MMS22L: variants seen among roughly 807,000 people sequenced by gnomAD.
The protein encoded by MMS22L is protein MMS22-like.
MMS22L carries 74 observed loss-of-function variants against 159.1 expected under a neutral mutation model. That is an observed-to-expected ratio of 0.47 (90% confidence interval 0.39 to 0.56). The LOEUF (loss-of-function observed/expected upper bound fraction) is 0.56, where lower values mean the gene tolerates loss of function less well. Ranked by LOEUF, MMS22L falls within the 20% of genes least tolerant of loss-of-function variation. MMS22L has a pLI of 0.00. For missense variants in MMS22L, 1,351 were observed against 1,422.1 expected (o/e 0.95, Z 0.80); for synonymous variants, 517 against 506.9 (o/e 1.02, Z -0.27).
chr6:97,216,494 T>C (rs1230809467), intron 14 of MMS22L, among the ~76,000 whole-genome samples: 1 of 152,216 alleles, frequency 6.6e-6, no homozygotes, highest in East Asian at 1.9e-4. Flanking sequence ...TTTATCATAC[T>C]GAGTTTTTTT....
rs561305669 is a variant in MMS22L, at chr6:97,162,822, C to T, written c.3222-657G>A. Among the ~76,000 whole-genome samples, 7 of 151,878 alleles carry T rather than the reference C, an allele frequency of 4.6e-5. No individual in the cohort carries two copies. The South Asian group carries it at 6.2e-4, about 14-fold the overall frequency. On this transcript the variant is annotated intron_variant, in intron 21 of 24. Coordinates refer to ENST00000683635, the MANE Select transcript of MMS22L (RefSeq NM_001350599.2). ...ATATTCTCACCTCTTAGAACAGGTC[C>T]GGGCCCATAACAAGTGTTCAGTATA...
intron 8 of MMS22L, chr6:97,267,007 ATG>A (rs989525930): frequency 1.3e-5 from 2 of 152,186 alleles, no homozygotes; most frequent in African/African-American, 4.8e-5. Context: ...AAAAATAAGA[ATG>A]TGAGATAATA....
chr6:97,259,820 G>C (rs1814259549), intron 9 of MMS22L: 1 of 151,880 alleles, frequency 6.6e-6, no homozygotes, highest in African/African-American at 2.4e-5. Context: ...TTATATATAA[G>C]AATTTAGTTT....
At chr6:97,220,704 G>A (rs987443640) in intron 14 of MMS22L, among the ~76,000 whole-genome samples, 3 of 151,764 alleles carry the variant, frequency 2.0e-5, no homozygotes, top group Non-Finnish European at 2.9e-5. Flanking sequence ...AAAAAGAAAG[G>A]GTATACATAT....
At chr6:97,200,746 T>C (rs1582586655) in intron 14 of MMS22L, among the ~76,000 whole-genome samples, 2 of 152,066 alleles carry the variant, frequency 1.3e-5, no homozygotes, top group South Asian at 4.1e-4. Context: ...AACAGTGCTA[T>C]AGGAGCAGAT....
rs1447109096 is a variant in MMS22L at position 97,143,822 on chromosome 6, T to G, written c.*2984A>C. 6.6e-6 allele frequency: 1 copy of G among 152,074 alleles called. No individual in the cohort carries two copies. The highest frequency in any genetic ancestry group is 1.9e-4 in the East Asian group (1 of 5,176). 9.4% of individuals were successfully genotyped at this position (152,074 alleles called of 1,614,324 possible). A position where few individuals can be genotyped will look rare whatever the true frequency, so the allele number is the denominator to read the frequency against. On this transcript the variant is annotated 3_prime_UTR_variant, in exon 25 of 25. Transcript: ENST00000683635. ...TAGAGATGAATTAGCACTAGGTGGC[T>G]CATCACGCCTGTAATCCCAGCACTT...
In MMS22L at chr6:97,254,580, G is replaced by T; in HGVS notation, c.1096C>A (p.Arg366Ser). The stretch of plus-strand genomic sequence containing the variant: ...ACCATTTCATCTGGTACTCCATGGC[G>T]ATCAAACTTGTAAAATGATGCTACA... ...THVASFYKFD[R>S]HGVPDEMRKV... is the part of the protein sequence containing the mutation. The change falls in exon 10 of 25, where the codon CGC becomes AGC. Residue 366 changes from arginine to serine, a missense_variant. Arg to Ser is a moderately radical substitution (Grantham distance 110, BLOSUM62 -1). Coordinates refer to ENST00000683635, the MANE Select transcript of MMS22L (RefSeq NM_001350599.2). 6.2e-7 allele frequency: 1 copy of T among 1,613,090 alleles called. No individual in the cohort carries two copies. Among genetic ancestry groups the T allele is most frequent in the Non-Finnish European group, 8.5e-7 (1 of 1,179,588 alleles).
At chr6:97,159,133 T>C (rs1020733054) in intron 22 of MMS22L, among the ~76,000 whole-genome samples, 6 of 148,748 alleles carry the variant, frequency 4.0e-5, no homozygotes, top group Admixed American at 2.7e-4. Flanking sequence ...AACCCCTGAT[T>C]TTTTTTTTTT....
At chr6:97,197,464 T>A (rs1330823882) in intron 14 of MMS22L, among the ~76,000 whole-genome samples, 2 of 152,130 alleles carry the variant, frequency 1.3e-5, no homozygotes, top group Admixed American at 1.3e-4. Context: ...GTCCAGGATC[T>A]TTGTCCTTGG....
chr6:97,277,636 C>T (rs1475994639), intron 4 of MMS22L, among the ~76,000 whole-genome samples: 1 of 152,016 alleles, frequency 6.6e-6, no homozygotes, highest in Non-Finnish European at 1.5e-5. Context: ...TTAGGATGCT[C>T]CCTTTGTTTG....
intron 21 of MMS22L, among the ~76,000 whole-genome samples, chr6:97,164,520 A>G (rs963907551): frequency 1.5e-5 from 2 of 130,144 alleles, no homozygotes; most frequent in African/African-American, 6.4e-5. Flanking sequence ...TTTGCTTAAT[A>G]AAACTGAGTT....
chr6:97,239,572 T>A (rs1159851470), intron 11 of MMS22L, among the ~76,000 whole-genome samples: 1 of 152,214 alleles, frequency 6.6e-6, no homozygotes, highest in Non-Finnish European at 1.5e-5. Flanking sequence ...TGGCAGATCC[T>A]CTCTAGCTAG....
intron 14 of MMS22L, among the ~76,000 whole-genome samples, chr6:97,202,579 CTGTAAA>C (rs1807295968): frequency 6.6e-6 from 1 of 152,022 alleles, no homozygotes; most frequent in Non-Finnish European, 1.5e-5. Context: ...TTTTTAGATA[CTGTAAA>C]GTAAATAATA....
rs1374946007 is a variant in MMS22L at position 97,272,758 on chromosome 6, T to C, written c.552A>G (p.Leu184=). 5.0e-6 allele frequency: 8 copies of C among 1,613,864 alleles called. No homozygotes were observed. Among genetic ancestry groups the C allele is most frequent in the South Asian group, 1.1e-5 (1 of 91,044 alleles). Residue 184 remains leucine, a synonymous_variant, in exon 6 of 25, where the codon CTA becomes CTG. Transcript: ENST00000683635. ...CTATATTAACACTGGGAAGTTCAGATAGGTGTCCAATATACAAGAGTAATC... is the reference window on the plus strand; with the variant it reads ...CTATATTAACACTGGGAAGTTCAGACAGGTGTCCAATATACAAGAGTAATC... The part of the protein sequence containing the change: ...LHGLLLYIGH[L]SELPSVNIGA...
At chr6:97,237,691 A>G (rs998839678) in intron 11 of MMS22L, among the ~76,000 whole-genome samples, 25 of 152,206 alleles carry the variant, frequency 1.6e-4, no homozygotes, top group African/African-American at 5.8e-4. Context: ...CCCAACAAGT[A>G]GAGTTATGGC....
intron 9 of MMS22L, among the ~76,000 whole-genome samples, chr6:97,262,496 T>G (rs555129041): frequency 9.0e-4 from 137 of 151,612 alleles, no homozygotes; most frequent in Non-Finnish European, 1.5e-3. Context: ...AATACAAAAA[T>G]TAGCTGGCCA....
At chr6:97,283,316 C>A (rs1816943929), upstream of MMS22L, 1 of 152,092 alleles carries the variant, frequency 6.6e-6, no homozygotes, top group South Asian at 2.1e-4. Context: ...GTCCGTCAGT[C>A]CGGGACGAGG....
At chr6:97,191,329 T>A (rs935837392) in intron 14 of MMS22L, among the ~76,000 whole-genome samples, 2 of 152,200 alleles carry the variant, frequency 1.3e-5, no homozygotes, top group Admixed American at 1.3e-4. Context: ...TCGCCTCTAA[T>A]CTTGGCATAC....
At chr6:97,204,688 G>A (rs1040447139) in intron 14 of MMS22L, among the ~76,000 whole-genome samples, 11 of 151,532 alleles carry the variant, frequency 7.3e-5, no homozygotes, top group South Asian at 2.1e-4. Flanking sequence ...CCAGCTACTC[G>A]GGAGCCTGAA....
Sources: allele counts gnomAD v4.1 joint callset (sites outside exome capture counted in the v4.1 genomes callset), GRCh38; gene constraint gnomAD v4.1.1; transcripts MANE v1.5; gene names NCBI Gene and HGNC (gene_info 2026-07-23, HGNC 2026-07-21).